The following ARHGEF10 variants were observed in gnomAD, a reference collection of about 807,000 sequenced individuals.
The protein encoded by ARHGEF10 is Rho guanine nucleotide exchange factor (GEF) 10.
ARHGEF10 carries 140 observed loss-of-function variants against 147.4 expected under a neutral mutation model. The ratio of observed to expected loss-of-function variants is 0.95; its 90% CI spans 0.83 to 1.09. The LOEUF (loss-of-function observed/expected upper bound fraction) is 1.09, where lower values mean the gene tolerates loss of function less well. ARHGEF10 is among the 50% of genes least tolerant of loss of function. The pLI is 0.00. For synonymous variants in ARHGEF10, 902 were observed against 695.8 expected (o/e 1.30, Z -4.67); for missense variants, 2,222 against 1,752.7 (o/e 1.27, Z -4.78).
At position 1,957,421 on chromosome 8, in the gene ARHGEF10, T is replaced by C; in HGVS notation, c.*158T>C. The C allele has an allele frequency of 9.7e-7, 1 of 1,026,912 alleles. No individual in the cohort carries two copies. The allele number at this position is 1,026,912 out of a possible 1,614,324, so 63.6% of individuals were successfully genotyped here. ...TGCAATAGCGTAATGGTGGTGTCCCTGCCAATTCCTTCCTTCTCTTCTGTA... is the reference window on the plus strand; with the variant it reads ...TGCAATAGCGTAATGGTGGTGTCCCCGCCAATTCCTTCCTTCTCTTCTGTA... On this transcript the variant is annotated 3_prime_UTR_variant, in exon 29 of 29. Transcript: ENST00000349830.
At chr8:1,889,917 G>A (rs1443272260) in intron 11 of ARHGEF10, among the ~76,000 whole-genome samples, 3 of 132,878 alleles carry the variant, frequency 2.3e-5, no homozygotes, top group African/African-American at 8.9e-5. Context: ...TTTGTTAGGA[G>A]GCAGTGAGTG....
At chr8:1,823,730 T>C (rs1802548208), upstream of ARHGEF10, among the ~76,000 whole-genome samples, 1 of 150,552 alleles carries the variant, frequency 6.6e-6, no homozygotes, top group East Asian at 2.0e-4. Context: ...GCGCGCCCCC[T>C]CCCACGCGTG....
rs544839698 is a variant in ARHGEF10 at position 1,889,768 on chromosome 8, G to C, written c.1183-3801G>C. ...CATTGAGTGGGATGAGGGTTGTGAGGAGACACTGAGTGGGGTGAGGGTTGT... is the reference window on the plus strand; with the variant it reads ...CATTGAGTGGGATGAGGGTTGTGAGCAGACACTGAGTGGGGTGAGGGTTGT... On this transcript the variant is annotated intron_variant, in intron 11 of 28. Coordinates refer to ENST00000349830, the MANE Select transcript of ARHGEF10 (RefSeq NM_014629.4). 5.0e-3 allele frequency among the ~76,000 whole-genome samples: 684 copies of C among 137,270 alleles called. 114 individuals carry two copies. Among genetic ancestry groups the C allele is most frequent in the African/African-American group, 0.019 (634 of 33,002 alleles). The allele number at this position is 137,270 out of a possible 152,430, so 90.1% of individuals were successfully genotyped here. A position where few individuals can be genotyped will look rare whatever the true frequency, so the allele number is the denominator to read the frequency against.
intron 18 of ARHGEF10, among the ~76,000 whole-genome samples, chr8:1,911,020 T>C (rs935172475): frequency 6.6e-6 from 1 of 152,248 alleles, no homozygotes; most frequent in African/African-American, 2.4e-5. Flanking sequence ...ATTTTTAAAA[T>C]ACTATGTGGA....
At chr8:1,955,163 CTCCCTG>C (rs1815408602) in intron 28 of ARHGEF10, among the ~76,000 whole-genome samples, 4 of 131,096 alleles carry the variant, frequency 3.1e-5, no homozygotes, top group South Asian at 2.5e-4. Context: ...TAGCCAGGTG[CTCCCTG>C]AAAGGAGGTG....
chr8:1,835,097 C>T (rs774840342), intron 1 of ARHGEF10, among the ~76,000 whole-genome samples: 8 of 152,258 alleles, frequency 5.3e-5, no homozygotes, highest in South Asian at 2.1e-4. Flanking sequence ...ACTGGGACAT[C>T]CCACGCTCCT....
At chr8:1,916,852 A>G (rs1369373124) in intron 18 of ARHGEF10, among the ~76,000 whole-genome samples, 1 of 152,242 alleles carries the variant, frequency 6.6e-6, no homozygotes, top group African/African-American at 2.4e-5. Context: ...TAATTCTTGT[A>G]TCTGGAGACT....
At chr8:1,900,409 G>A (rs975548515) in intron 15 of ARHGEF10, among the ~76,000 whole-genome samples, 10 of 152,128 alleles carry the variant, frequency 6.6e-5, no homozygotes, top group Non-Finnish European at 1.2e-4. Context: ...GGAAACTGAG[G>A]TTTAGGGAAG....
chr8:1,912,839 G>GT (rs1158490786), intron 18 of ARHGEF10, among the ~76,000 whole-genome samples: 12 of 152,148 alleles, frequency 7.9e-5, no homozygotes, highest in Non-Finnish European at 2.9e-5. Context: ...GATTTTAAAG[G>GT]TTTTGCCAGC....
intron 11 of ARHGEF10, among the ~76,000 whole-genome samples, chr8:1,887,564 CTG>C (rs1347652228): frequency 2.1e-5 from 3 of 144,368 alleles, no homozygotes; most frequent in Admixed American, 6.9e-5. Flanking sequence ...GGTGAGGAGT[CTG>C]TGAGGAGACT....
intron 5 of ARHGEF10, among the ~76,000 whole-genome samples, chr8:1,865,620 C>A (rs1806533084): frequency 6.6e-6 from 1 of 152,236 alleles, no homozygotes; most frequent in Admixed American, 6.5e-5. Context: ...GACACGGGCT[C>A]TCTTCCCTCA....
intron 18 of ARHGEF10, among the ~76,000 whole-genome samples, chr8:1,921,770 G>A (rs558079224): frequency 6.6e-6 from 1 of 152,180 alleles, no homozygotes; most frequent in South Asian, 2.1e-4. Context: ...AGAATTTCAG[G>A]AGGTCCACAT....
chr8:1,933,005 T>G (rs985359063), intron 25 of ARHGEF10, among the ~76,000 whole-genome samples: 1 of 152,232 alleles, frequency 6.6e-6, no homozygotes, highest in Non-Finnish European at 1.5e-5. Context: ...TTTAGAAGTT[T>G]ATGGTAAATC....
At chr8:1,889,938 T>C (rs1809309666) in intron 11 of ARHGEF10, among the ~76,000 whole-genome samples, 1 of 139,074 alleles carries the variant, frequency 7.2e-6, no homozygotes, top group African/African-American at 2.8e-5. Flanking sequence ...GGGCGAGGGT[T>C]GTGAGGAGAC....
In ARHGEF10 at chr8:1,957,297, A is replaced by T. The variant is rs766451766; in HGVS notation, c.*34A>T. The T allele has an allele frequency of 6.3e-7, 1 of 1,595,462 alleles. No individual in the cohort carries two copies. Among genetic ancestry groups the T allele is most frequent in the Non-Finnish European group, 8.5e-7 (1 of 1,173,964 alleles). ...GCCGCCTTCTGCTGTCAGAATTTGCAATCAAGGGTGACTTCTCAGCTAATC... is the reference window on the plus strand; with the variant it reads ...GCCGCCTTCTGCTGTCAGAATTTGCTATCAAGGGTGACTTCTCAGCTAATC... On this transcript the variant is annotated 3_prime_UTR_variant, in exon 29 of 29. Coordinates refer to ENST00000349830, the MANE Select transcript of ARHGEF10 (RefSeq NM_014629.4).
At chr8:1,858,194 C>A in intron 3 of ARHGEF10, 79 bp downstream of exon 3, 1 of 1,377,554 alleles carries the variant, frequency 7.3e-7, no homozygotes, top group Non-Finnish European at 9.8e-7. Flanking sequence ...CCATGTGAGT[C>A]ACCAGGTGAG....
Position 1,882,690 on chromosome 8 carries a change from C to G in ARHGEF10, c.1016C>G (p.Thr339Ser). Residue 339 changes from threonine (T) to serine (S), a missense_variant, in exon 10 of 29, where the codon ACC becomes AGC. Thr to Ser is a moderately conservative substitution (Grantham distance 58, BLOSUM62 1). Transcript: ENST00000349830. ...KDGTKDGLER[T>S]RAAVKRGRSF... Reference sequence around the variant, plus strand: ...GGCACCAAGGACGGGCTGGAGAGGACCAGGGCAGCCGTGAAGAGGGGCCGC... The same window carrying G: ...GGCACCAAGGACGGGCTGGAGAGGAGCAGGGCAGCCGTGAAGAGGGGCCGC... The G allele has an allele frequency of 6.4e-7, 1 of 1,557,298 alleles. No individual in the cohort carries two copies. The highest frequency in any genetic ancestry group is 8.7e-7 in the Non-Finnish European group (1 of 1,149,916).
intron 6 of ARHGEF10, among the ~76,000 whole-genome samples, chr8:1,868,598 C>G (rs1806818845): frequency 2.0e-5 from 3 of 152,176 alleles, no homozygotes; most frequent in Non-Finnish European, 4.4e-5. Flanking sequence ...CCCAGTGTTG[C>G]ACGTGATACA....
chr8:1,956,344 C>T (rs1000865439), intron 28 of ARHGEF10, among the ~76,000 whole-genome samples: 1 of 152,126 alleles, frequency 6.6e-6, no homozygotes, highest in African/African-American at 2.4e-5. Context: ...ATTTCTTTCC[C>T]AAACCAACAC....
Sources: gnomAD v4.1 joint callset for allele counts (sites outside exome capture counted in the v4.1 genomes callset) on GRCh38, gnomAD v4.1.1 for gene constraint, MANE v1.5 for transcripts, NCBI Gene and HGNC (gene_info 2026-07-23, HGNC 2026-07-21) for gene names.